ACAD10: variants seen among roughly 807,000 people sequenced by gnomAD.
The protein encoded by ACAD10 is ACAD-10.
In ACAD10, 112 loss-of-function variants were observed where a neutral mutation model predicts 116.8. The ratio of observed to expected loss-of-function variants is 0.96; its 90% CI spans 0.82 to 1.12. The LOEUF is 1.12. ACAD10 is among the 50% of genes most tolerant of loss of function. The pLI, the probability that ACAD10 is intolerant of heterozygous loss-of-function variation, is 0.00. For synonymous variants in ACAD10, 486 were observed against 510.6 expected, an observed-to-expected ratio of 0.95 and a Z score of 0.65; for missense variants, 1,259 against 1,350.2, an observed-to-expected ratio of 0.93 and a Z score of 1.06.
chr12:111,729,891 G>C lies in ACAD10; in HGVS notation c.1329G>C (p.Leu443=). The change falls in exon 10 of 21, where the codon CTG becomes CTC. Residue 443 remains leucine, a synonymous_variant. Transcript: ENST00000313698. ...ETSTIPAMER[L]IEWLPLHLPR... is the part of the protein sequence containing the mutation. ...GCACCATCCCAGCCATGGAGAGGCT[G>C]ATCGAATGGCTGCCCCTCCATCTTC... 6.2e-7 allele frequency: 1 copy of C among 1,614,196 alleles called. No individual in the cohort carries two copies. Among genetic ancestry groups the C allele is most frequent in the Non-Finnish European group, 8.5e-7 (1 of 1,180,034 alleles).
At chr12:111,709,822 T>A in intron 5 of ACAD10, 138 bp downstream of exon 5, 1 of 1,021,014 alleles carries the variant, frequency 9.8e-7, no homozygotes, top group Non-Finnish European at 1.4e-6. Flanking sequence ...TATTTTGTGT[T>A]AATTATGAAA....
chr12:111,728,054 G>A lies in ACAD10; in HGVS notation c.1154G>A (p.Arg385Gln), dbSNP rs762763032. The part of the protein sequence containing the change: ...SLPGLEPSHR[R>Q]AIYTAMNTVL... ...CCAGGCTTGGAGCCCAGCCACAGAC[G>A]AGCCATATACACTGCCATGAACACA... Residue 385 changes from arginine to glutamine, a missense_variant, in exon 9 of 21, where the codon CGA (arginine) becomes CAA (glutamine). Arg to Gln is a conservative substitution (Grantham distance 43). Coordinates refer to ENST00000313698, the MANE Select transcript of ACAD10 (RefSeq NM_025247.6). 1.6e-5 allele frequency: 26 copies of A among 1,613,970 alleles called. No individual in the cohort carries two copies. The South Asian group carries it at 1.8e-4, about 11-fold the overall frequency.
rs533998885 is a variant in ACAD10 at position 111,729,752 on chromosome 12, T to C, written c.1244-54T>C. 1.4e-5 allele frequency: 23 copies of C among 1,586,812 alleles called. No individual in the cohort carries two copies. The African/African-American group carries it at 2.7e-4, about 19-fold the overall frequency. On this transcript the variant is annotated intron_variant, in intron 9 of 20. Coordinates refer to ENST00000313698, the MANE Select transcript of ACAD10 (RefSeq NM_025247.6). ...TCACTGCACTGGTTTTTTTTTCCGC[T>C]ACTTTCAGAGGTTGCTGAAATTGCA...
intron 8 of ACAD10, among the ~76,000 whole-genome samples, chr12:111,725,611 T>G (rs1364383165): frequency 1.3e-5 from 2 of 151,788 alleles, no homozygotes; most frequent in African/African-American, 4.8e-5. Flanking sequence ...CTGGGCACAC[T>G]GCAACCTCTG....
chr12:111,747,364 G>A lies in ACAD10; in HGVS notation c.2464G>A (p.Gly822Ser), dbSNP rs143673663. 2.2e-5 allele frequency: 36 copies of A among 1,613,976 alleles called. No individual in the cohort carries two copies. Among genetic ancestry groups the A allele is most frequent in the South Asian group, 1.3e-4 (12 of 91,080 alleles). Residue 822 changes from glycine to serine, a missense_variant, in exon 16 of 21, where the codon GGT becomes AGT. Transcript: ENST00000313698. Reference protein sequence around the residue: ...REEDSFYVINGHKWWITGILD... With the variant: ...REEDSFYVINSHKWWITGILD... The stretch of plus-strand genomic sequence containing the variant: ...GGAGGACAGCTTCTATGTCATAAAC[G>A]GTCACAAATGGTGGATCACAGGTAT...
intron 2 of ACAD10, among the ~76,000 whole-genome samples, chr12:111,697,999 C>CT (rs751374077): frequency 0.024 from 3,189 of 132,634 alleles, 178 homozygotes; most frequent in African/African-American, 0.083. Context: ...AGGTTGCGCC[C>CT]TTTTTTTTTT....
At chr12:111,708,818 GGCT>G (rs1407931295) in intron 4 of ACAD10, among the ~76,000 whole-genome samples, 29 of 152,156 alleles carry the variant, frequency 1.9e-4, no homozygotes, top group African/African-American at 7.0e-4. Context: ...ACACTGAGAA[GGCT>G]TTCCCGTGTT....
At chr12:111,686,587 G>A (rs1887862699) in intron 1 of ACAD10, among the ~76,000 whole-genome samples, 1 of 152,190 alleles carries the variant, frequency 6.6e-6, no homozygotes, top group African/African-American at 2.4e-5. Context: ...TTGGTGGCGC[G>A]CGTCTGTAGT....
rs745894413 is a variant in ACAD10, at chr12:111,729,884, AGAGGCT to A, written c.1325_1330del (p.Arg442_Leu443del). On this transcript the variant is annotated inframe_deletion, in exon 10 of 21. Coordinates refer to ENST00000313698, the MANE Select transcript of ACAD10 (RefSeq NM_025247.6). Reference sequence around the variant, plus strand: ...GAAACTAGCACCATCCCAGCCATGGAGAGGCTGATCGAATGGCTGCCCCTCCATCTT... The same window carrying A: ...GAAACTAGCACCATCCCAGCCATGGAGATCGAATGGCTGCCCCTCCATCTT... 6.2e-7 allele frequency: 1 copy of A among 1,614,124 alleles called. No individual in the cohort carries two copies. The highest frequency in any genetic ancestry group is 2.2e-5 in the East Asian group (1 of 44,874).
chr12:111,710,710 G>A (rs1015001994), intron 5 of ACAD10, among the ~76,000 whole-genome samples: 1 of 152,100 alleles, frequency 6.6e-6, no homozygotes, highest in South Asian at 2.1e-4. Flanking sequence ...GCCCAAGCTG[G>A]TCTCAAACTC....
At chr12:111,733,617 C>T (rs932819161) in intron 10 of ACAD10, among the ~76,000 whole-genome samples, 1 of 152,132 alleles carries the variant, frequency 6.6e-6, no homozygotes, top group Non-Finnish European at 1.5e-5. Context: ...GTTTTAAAAC[C>T]ATCACAGGGA....
chr12:111,707,596 T>C (rs933553802), intron 4 of ACAD10, among the ~76,000 whole-genome samples: 6 of 152,158 alleles, frequency 3.9e-5, no homozygotes, highest in African/African-American at 9.7e-5. Flanking sequence ...TCATGAAATA[T>C]AGTGAGAGTC....
intron 2 of ACAD10, 74 bp downstream of exon 2, chr12:111,692,970 G>A (rs1888097809): frequency 6.5e-7 from 1 of 1,531,020 alleles, no homozygotes; most frequent in Non-Finnish European, 8.9e-7. Context: ...CGGGAAGGCA[G>A]AGGGGAACAC....
chr12:111,689,837 T>A (rs765157751), intron 1 of ACAD10, among the ~76,000 whole-genome samples: 1 of 151,902 alleles, frequency 6.6e-6, no homozygotes, highest in Non-Finnish European at 1.5e-5. Flanking sequence ...TGCCTCAGCC[T>A]CTTGAGTAGC....
At chr12:111,715,724 T>G in intron 6 of ACAD10, 97 bp from the exon 7 acceptor site, 1 of 1,542,378 alleles carries the variant, frequency 6.5e-7, no homozygotes, top group Non-Finnish European at 8.8e-7. Context: ...TGAGGATATT[T>G]TGAAGCCCAA....
chr12:111,753,319 A>G (rs1890122375), intron 18 of ACAD10: 1 of 362,540 alleles, frequency 2.8e-6, no homozygotes, highest in Non-Finnish European at 5.5e-6. Context: ...CCTTGCTCCC[A>G]TTGGAGCTGC....
At chr12:111,733,550 G>T (rs754530333) in intron 10 of ACAD10, among the ~76,000 whole-genome samples, 3 of 152,116 alleles carry the variant, frequency 2.0e-5, no homozygotes, top group Non-Finnish European at 4.4e-5. Flanking sequence ...ATGCTTCACT[G>T]GGCCAAGCAT....
At chr12:111,711,247 C>T (rs766885692) in intron 5 of ACAD10, among the ~76,000 whole-genome samples, 1 of 152,202 alleles carries the variant, frequency 6.6e-6, no homozygotes, top group Non-Finnish European at 1.5e-5. Flanking sequence ...GTCGCCCAGG[C>T]TGGAGTGCAG....
At chr12:111,686,895 T>C (rs1295680228) in intron 1 of ACAD10, among the ~76,000 whole-genome samples, 3 of 152,208 alleles carry the variant, frequency 2.0e-5, no homozygotes, top group Non-Finnish European at 4.4e-5. Flanking sequence ...TACTATGAGG[T>C]TGACCTACAT....
Sources: gnomAD v4.1 joint callset for allele counts (sites outside exome capture counted in the v4.1 genomes callset) on GRCh38, gnomAD v4.1.1 for gene constraint, MANE v1.5 for transcripts, NCBI Gene and HGNC (gene_info 2026-07-23, HGNC 2026-07-21) for gene names.